Variants in CUX1 observed in about 807,000 individuals in gnomAD.
CUX1 encodes protein CASP.
Under a neutral mutation model 158.8 loss-of-function variants are expected in CUX1, and 31 were observed. The observed-to-expected ratio is 0.20, with a 90% CI of 0.15 to 0.26. The LOEUF is 0.26. Among genes scored for constraint, CUX1 ranks in the 10% least tolerant of loss-of-function variants. The probability of loss-of-function intolerance (pLI) is 1.00; values close to 1 mark genes in which losing one functional copy is unlikely to be tolerated. For synonymous variants in CUX1, 879 were observed against 862.1 expected (o/e 1.02, Z -0.34); for missense variants, 1,589 against 2,014.6 (o/e 0.79, Z 4.04).
At chr7:102,190,203 A>G (rs1794127279) in intron 12 of CUX1, among the ~76,000 whole-genome samples, 1 of 152,238 alleles carries the variant, frequency 6.6e-6, no homozygotes, top group Non-Finnish European at 1.5e-5. Context: ...CCAAACAGAA[A>G]CAAAGCACAG....
chr7:102,015,561 A>G (rs1047103109), intron 2 of CUX1, among the ~76,000 whole-genome samples: 4 of 152,128 alleles, frequency 2.6e-5, no homozygotes, highest in Non-Finnish European at 4.4e-5. Context: ...ACAAAGGAAA[A>G]AGAAAAACCA....
rs782135904 is a variant in CUX1, at chr7:102,201,287, G to T, written c.2063-73G>T. Reference sequence around the variant, plus strand: ...TAACCCACACTTTGCAGTAGGTCAAGTTAGGATGAGAAGCATGTCCCCAGC... The same window carrying T: ...TAACCCACACTTTGCAGTAGGTCAATTTAGGATGAGAAGCATGTCCCCAGC... On this transcript the variant is annotated intron_variant, in intron 17 of 23. Coordinates refer to ENST00000292535, the MANE Select transcript of CUX1 (RefSeq NM_181552.4). The surrounding 1 kb of genome is among the most constrained non-coding windows in gnomAD (Gnocchi z 5.0). 2 of 1,561,110 alleles carry T rather than the reference G, an allele frequency of 1.3e-6. No homozygotes were observed. Among genetic ancestry groups the T allele is most frequent in the Non-Finnish European group, 1.7e-6 (2 of 1,153,854 alleles).
intron 2 of CUX1, among the ~76,000 whole-genome samples, chr7:102,010,360 C>T (rs552138538): frequency 6.9e-6 from 1 of 145,746 alleles, no homozygotes; most frequent in East Asian, 2.0e-4. Flanking sequence ...CGCCACTGTA[C>T]TCCAGCCTGG....
intron 2 of CUX1, among the ~76,000 whole-genome samples, chr7:101,938,472 T>C (rs1267991105): frequency 6.6e-6 from 1 of 152,224 alleles, no homozygotes; most frequent in Non-Finnish European, 1.5e-5. Flanking sequence ...CCTGGAGATA[T>C]TGGTGTCAAT....
intron 2 of CUX1, among the ~76,000 whole-genome samples, chr7:101,928,434 G>A (rs1374069373): frequency 2.0e-5 from 3 of 149,196 alleles, no homozygotes; most frequent in Admixed American, 6.7e-5. Flanking sequence ...GCAGTGGCGC[G>A]ATCTTGGCTC....
At chr7:101,915,497 A>G (rs1804084950) in intron 1 of CUX1, among the ~76,000 whole-genome samples, 1 of 152,162 alleles carries the variant, frequency 6.6e-6, no homozygotes. Flanking sequence ...TATTCTTGGA[A>G]TTTACCTTTT....
intron 21 of CUX1, among the ~76,000 whole-genome samples, 156 bp from the exon 22 acceptor site, chr7:102,233,896 A>G (rs1433954380): frequency 6.6e-6 from 1 of 152,182 alleles, no homozygotes; most frequent in Non-Finnish European, 1.5e-5. Flanking sequence ...GGTTGAAGAT[A>G]TATTTCTACC....
chr7:101,993,983 G>A (rs1815483858), intron 2 of CUX1, among the ~76,000 whole-genome samples: 2 of 152,164 alleles, frequency 1.3e-5, no homozygotes, highest in African/African-American at 2.4e-5. Context: ...CATTCATGCT[G>A]CAGACGTAGC....
chr7:102,086,699 TC>T (rs1827990001), intron 4 of CUX1, among the ~76,000 whole-genome samples: 1 of 151,706 alleles, frequency 6.6e-6, no homozygotes, highest in Admixed American at 6.6e-5. Flanking sequence ...AACCTCTGCC[TC>T]CCGGGTTTAT....
chr7:102,002,035 T>C, intron 2 of CUX1, among the ~76,000 whole-genome samples: 1 of 152,244 alleles, frequency 6.6e-6, no homozygotes, highest in East Asian at 1.9e-4. Context: ...GGCTCGTGCC[T>C]GTAATCCCAG....
intron 10 of CUX1, among the ~76,000 whole-genome samples, chr7:102,173,203 TAGA>T (rs1466436688): frequency 1.3e-5 from 2 of 151,828 alleles, no homozygotes; most frequent in African/African-American, 4.8e-5. Context: ...CTACTAAAAA[TAGA>T]AGAATTAGCT....
In CUX1 at chr7:102,252,025, TTCTG is replaced by T. The variant is rs1165788321; in HGVS notation, c.*2987_*2990del. 9.1e-6 allele frequency: 9 copies of T among 985,468 alleles called. No individual in the cohort carries two copies. The highest frequency in any genetic ancestry group is 1.1e-5 in the Non-Finnish European group (9 of 829,930). 61.0% of individuals were successfully genotyped at this position (985,468 alleles called of 1,614,324 possible). On this transcript the variant is annotated 3_prime_UTR_variant, in exon 24 of 24. Transcript: ENST00000292535. ...TTAACTAGGTTACTGTTGGTTCCCA[TTCTG>T]TCTTTTTTGCCAGACTTACATCTGG...
chr7:102,036,896 T>G (rs868744733), intron 3 of CUX1, among the ~76,000 whole-genome samples: 1 of 151,818 alleles, frequency 6.6e-6, no homozygotes, highest in South Asian at 2.1e-4. Context: ...CCTTATAGAT[T>G]AAACGAAGTT....
chr7:101,933,874 T>C (rs1029140462), intron 2 of CUX1, among the ~76,000 whole-genome samples: 1 of 152,224 alleles, frequency 6.6e-6, no homozygotes, highest in Non-Finnish European at 1.5e-5. Context: ...CTTGTAGCGC[T>C]TTCCTTTGAA....
At chr7:102,003,790 A>G (rs914664868) in intron 2 of CUX1, among the ~76,000 whole-genome samples, 5 of 152,202 alleles carry the variant, frequency 3.3e-5, no homozygotes, top group Non-Finnish European at 7.4e-5. Context: ...CAGTTTTAGA[A>G]TAACATAGGA....
intron 1 of CUX1, among the ~76,000 whole-genome samples, chr7:101,887,771 G>A (rs1342409746): frequency 2.6e-5 from 4 of 151,508 alleles, no homozygotes; most frequent in Non-Finnish European, 5.9e-5. Flanking sequence ...GCTGTCATAC[G>A]ACATTTCTTG....
At chr7:102,093,422 AACAAT>A in intron 4 of CUX1, among the ~76,000 whole-genome samples, 1 of 152,092 alleles carries the variant, frequency 6.6e-6, no homozygotes, top group Admixed American at 6.5e-5. Flanking sequence ...CCTGGGCTCA[AACAAT>A]GTTCCCTCCT....
At chr7:101,888,097 G>T (rs563861521) in intron 1 of CUX1, among the ~76,000 whole-genome samples, 53 of 152,294 alleles carry the variant, frequency 3.5e-4, no homozygotes, top group African/African-American at 1.2e-3. Context: ...ACTTTGTGAG[G>T]CTGAGGTGGG....
chr7:101,867,628 C>T (rs941078021), intron 1 of CUX1, among the ~76,000 whole-genome samples: 3 of 152,218 alleles, frequency 2.0e-5, no homozygotes, highest in African/African-American at 7.2e-5. Flanking sequence ...CGGGATGCTG[C>T]TGCCCGTGGT....
Sources: gnomAD v4.1 joint callset for allele counts (sites outside exome capture counted in the v4.1 genomes callset) on GRCh38, gnomAD v4.1.1 for gene constraint, Gnocchi (gnomAD v3.1) non-coding constraint, MANE v1.5 for transcripts, NCBI Gene and HGNC (gene_info 2026-07-23, HGNC 2026-07-21) for gene names.